The following SERINC5 variants were observed in gnomAD, a reference collection of about 807,000 sequenced individuals.
SERINC5 encodes serine incorporator 5.
SERINC5 carries 41 observed loss-of-function variants against 63.1 expected under a neutral mutation model. The observed-to-expected ratio is 0.65, with a 90% CI of 0.51 to 0.84. The LOEUF is 0.84. SERINC5 is among the 40% of genes least tolerant of loss of function. The pLI is 0.00. For synonymous variants in SERINC5, 222 were observed against 215.2 expected (o/e 1.03, Z -0.28); for missense variants, 523 against 573.0 (o/e 0.91, Z 0.89).
At chr5:80,153,708 A>G (rs1746333489) in intron 8 of SERINC5, among the ~76,000 whole-genome samples, 1 of 151,932 alleles carries the variant, frequency 6.6e-6, no homozygotes, top group South Asian at 2.1e-4. Context: ...TTGTACGGAG[A>G]ATGCCTAACA....
At chr5:80,215,955 C>G (rs1474022802) in intron 1 of SERINC5, among the ~76,000 whole-genome samples, 1 of 152,182 alleles carries the variant, frequency 6.6e-6, no homozygotes, top group Non-Finnish European at 1.5e-5. Context: ...TTATCAAGTC[C>G]TCTGTTCTCA....
chr5:80,234,882 C>T (rs1180174769), intron 1 of SERINC5, among the ~76,000 whole-genome samples: 6 of 152,174 alleles, frequency 3.9e-5, no homozygotes, highest in East Asian at 3.8e-4. Flanking sequence ...ACACTGTTAT[C>T]TTGGCTACCT....
rs1317653704 is a variant in SERINC5 at position 80,139,387 on chromosome 5, A to G, written c.*4276T>C. On this transcript the variant is annotated 3_prime_UTR_variant, in exon 12 of 12. Transcript: ENST00000507668. ...ATCCTTTATCCCAAAGGATTACCTT[A>G]AAGAGTTCTTCCATCATTTTACTCA... is the stretch of plus-strand genomic sequence containing the variant. 2.0e-6 allele frequency: 2 copies of G among 985,130 alleles called. No homozygotes were observed. The highest frequency in any genetic ancestry group is 2.4e-6 in the Non-Finnish European group (2 of 829,772). 61.0% of individuals were successfully genotyped at this position (985,130 alleles called of 1,614,324 possible).
chr5:80,143,684 G>C lies in SERINC5; in HGVS notation c.1365C>G (p.Pro455=), dbSNP rs552728668. 1.3e-6 allele frequency: 2 copies of C among 1,536,066 alleles called. No individual in the cohort carries two copies. The highest frequency in any genetic ancestry group is 3.9e-5 in the Admixed American group (2 of 51,000). ...LCTLVAPLCC[P]TREFSV is the part of the protein sequence containing the mutation. ...ATCATCACACAGAGAACTCCCGGGT[G>C]GGGCAGCAGAGGGGAGCGACCAGCG... Residue 455 remains proline, a synonymous_variant, in exon 12 of 12, where the codon CCC becomes CCG. Transcript: ENST00000507668.
At chr5:80,228,459 A>G (rs1036115239) in intron 1 of SERINC5, among the ~76,000 whole-genome samples, 1 of 150,546 alleles carries the variant, frequency 6.6e-6, no homozygotes, top group Admixed American at 6.6e-5. Flanking sequence ...ACTATTAAGA[A>G]TTTTTTTTTT....
intron 2 of SERINC5, among the ~76,000 whole-genome samples, chr5:80,183,680 C>T (rs1196896316): frequency 1.3e-5 from 2 of 152,120 alleles, no homozygotes; most frequent in Non-Finnish European, 2.9e-5. Context: ...CAGAAGCTCC[C>T]CCACTGAGCA....
At chr5:80,229,639 A>C (rs377406929) in intron 1 of SERINC5, among the ~76,000 whole-genome samples, 1 of 105,630 alleles carries the variant, frequency 9.5e-6, no homozygotes, top group Non-Finnish European at 1.8e-5. Flanking sequence ...TAAAAAGAAA[A>C]GGAAAAAACA....
At chr5:80,229,278 T>C (rs1312750902) in intron 1 of SERINC5, among the ~76,000 whole-genome samples, 4 of 151,540 alleles carry the variant, frequency 2.6e-5, no homozygotes, top group Admixed American at 1.3e-4. Flanking sequence ...CCTGCCTTGG[T>C]CTCCCAAAGT....
chr5:80,143,110 G>C lies in SERINC5; in HGVS notation c.*553C>G, dbSNP rs1745609047. On this transcript the variant is annotated 3_prime_UTR_variant, in exon 12 of 12. Coordinates refer to ENST00000507668, the MANE Select transcript of SERINC5 (RefSeq NM_001174072.3). ...GGGAAACGTTTAGGGGCCGTGAAGA[G>C]GCAGCACTGAGGGTGCAGTTGAAAA... 28 of 985,492 alleles carry C rather than the reference G, an allele frequency of 2.8e-5. No individual in the cohort carries two copies. The highest frequency in any genetic ancestry group is 3.4e-5 in the Non-Finnish European group (28 of 830,000). 61.0% of individuals were successfully genotyped at this position (985,492 alleles called of 1,614,324 possible).
At chr5:80,137,030 A>G (rs150366802), downstream of SERINC5, among the ~76,000 whole-genome samples, 1,037 of 150,708 alleles carry the variant, frequency 6.9e-3, 4 homozygotes, top group Non-Finnish European at 0.011. Flanking sequence ...CCAGCTACTC[A>G]TGAGGCTGAG....
At chr5:80,113,192 T>G (rs1744190388) in intron 12 of SERINC5, among the ~76,000 whole-genome samples, 1 of 152,214 alleles carries the variant, frequency 6.6e-6, no homozygotes, top group Admixed American at 6.5e-5. Context: ...AGGTTAAATA[T>G]TCTTAAAGTT....
chr5:80,147,925 G>A (rs575465363), intron 9 of SERINC5, among the ~76,000 whole-genome samples: 1 of 152,118 alleles, frequency 6.6e-6, no homozygotes, highest in Non-Finnish European at 1.5e-5. Context: ...AGGTTAACTG[G>A]CCAAAGTCAC....
intron 7 of SERINC5, among the ~76,000 whole-genome samples, chr5:80,160,367 G>C (rs1746804489): frequency 6.6e-6 from 1 of 152,048 alleles, no homozygotes; most frequent in Admixed American, 6.6e-5. Flanking sequence ...ACCTAACATG[G>C]AGTCTTCCAT....
chr5:80,237,249 T>C (rs1419609690), intron 1 of SERINC5, among the ~76,000 whole-genome samples: 4 of 152,200 alleles, frequency 2.6e-5, no homozygotes, highest in African/African-American at 9.6e-5. Context: ...TGGGGGTAAG[T>C]TAAATATCAG....
intron 7 of SERINC5, among the ~76,000 whole-genome samples, chr5:80,161,731 GT>G (rs753062350): frequency 2.0e-5 from 3 of 152,110 alleles, no homozygotes; most frequent in Non-Finnish European, 4.4e-5. Context: ...GTCTGGTTTT[GT>G]TTTTGTTGTC....
chr5:80,174,097 C>T (rs1452935482), intron 5 of SERINC5, among the ~76,000 whole-genome samples: 1 of 152,010 alleles, frequency 6.6e-6, no homozygotes, highest in Non-Finnish European at 1.5e-5. Flanking sequence ...TGAAGCCGAA[C>T]ACAATGTCAT....
intron 1 of SERINC5, among the ~76,000 whole-genome samples, chr5:80,224,685 G>A (rs984770187): frequency 5.9e-5 from 9 of 152,068 alleles, no homozygotes; most frequent in African/African-American, 2.2e-4. Context: ...GGAATGCGAT[G>A]GTGTGATCTC....
intron 7 of SERINC5, among the ~76,000 whole-genome samples, chr5:80,162,172 T>C (rs1022324173): frequency 6.6e-6 from 1 of 152,218 alleles, no homozygotes; most frequent in Non-Finnish European, 1.5e-5. Flanking sequence ...AGTTTTGTTC[T>C]TTTTGCTTAG....
At position 80,142,221 on chromosome 5, in the gene SERINC5, C is replaced by A. The variant is rs1745549372; in HGVS notation, c.*1442G>T. 3.0e-6 allele frequency: 3 copies of A among 984,222 alleles called. No individual in the cohort carries two copies. Among genetic ancestry groups the A allele is most frequent in the South Asian group, 9.4e-5 (2 of 21,192 alleles). The allele number at this position is 984,222 out of a possible 1,614,324, so 61.0% of individuals were successfully genotyped here. On this transcript the variant is annotated 3_prime_UTR_variant, in exon 12 of 12. Transcript: ENST00000507668. ...ATACATCAACACTGAAAATAGGCATCATCTTGGGTAGCTGCCGAAAGTCAC... is the reference window on the plus strand; with the variant it reads ...ATACATCAACACTGAAAATAGGCATAATCTTGGGTAGCTGCCGAAAGTCAC...
Sources: gnomAD v4.1 joint callset for allele counts (sites outside exome capture counted in the v4.1 genomes callset) on GRCh38, gnomAD v4.1.1 for gene constraint, MANE v1.5 for transcripts, NCBI Gene and HGNC (gene_info 2026-07-23, HGNC 2026-07-21) for gene names.